Variants in DPP10 observed in about 807,000 individuals in gnomAD.
DPP10 encodes the protein dipeptidyl peptidase like 10, also known as inactive dipeptidyl peptidase 10.
DPP10 carries 33 observed loss-of-function variants against 120.9 expected under a neutral mutation model. That is an observed-to-expected ratio of 0.27 (90% CI 0.21 to 0.37). The LOEUF (loss-of-function observed/expected upper bound fraction) is 0.37. DPP10 is among the 10% of genes least tolerant of loss of function. DPP10 has a pLI of 1.00. For missense variants in DPP10, 816 were observed against 942.8 expected, an observed-to-expected ratio of 0.87 and a Z score of 1.76; for synonymous variants, 337 against 326.1, an observed-to-expected ratio of 1.03 and a Z score of -0.36.
chr2:115,509,778 C>G (rs2077130440), intron 4 of DPP10, among the ~76,000 whole-genome samples: 1 of 152,136 alleles, frequency 6.6e-6, no homozygotes, highest in Admixed American at 6.6e-5. Context: ...TCTGTATTAG[C>G]AGTTTGAGGA....
At chr2:115,749,801 GC>G (rs1410888334) in intron 10 of DPP10, among the ~76,000 whole-genome samples, 1 of 152,170 alleles carries the variant, frequency 6.6e-6, no homozygotes, top group Admixed American at 6.5e-5. Flanking sequence ...TAAACACAGA[GC>G]AATGATTGGA....
chr2:115,393,331 A>G (rs1238101168), intron 3 of DPP10, among the ~76,000 whole-genome samples: 5 of 151,800 alleles, frequency 3.3e-5, no homozygotes. Flanking sequence ...AAAAATCTAT[A>G]TGTGAATAGA....
At chr2:115,073,209 A>G (rs186400624) in intron 1 of DPP10, among the ~76,000 whole-genome samples, 1 of 152,374 alleles carries the variant, frequency 6.6e-6, no homozygotes, top group African/African-American at 2.4e-5. Context: ...ATGGAATTTA[A>G]AGACAAAAGA....
At chr2:115,415,840 TTTATATATATATATATATA>T (rs1361332407) in intron 3 of DPP10, among the ~76,000 whole-genome samples, 3 of 83,424 alleles carry the variant, frequency 3.6e-5, no homozygotes, top group African/African-American at 5.0e-5. Flanking sequence ...CTGATTTGCT[TTTATATATATATATATATA>T]TATATATATA....
rs138321439 is a variant in DPP10, at chr2:115,583,795, C to A, written c.441+57823C>A. Among the ~76,000 whole-genome samples, 15 of 152,256 alleles carry A rather than the reference C, an allele frequency of 9.9e-5. No homozygotes were observed. The East Asian group carries it at 2.9e-3, about 29-fold the overall frequency. On this transcript the variant is annotated intron_variant, in intron 5 of 25. Transcript: ENST00000410059. ...GTGGCCATCTTTAATATTCACATTT[C>A]ATGTAGTTCTACTCTATGAGGATAA... is the stretch of plus-strand genomic sequence containing the variant.
At chr2:115,047,735 A>G (rs1234070109) in intron 1 of DPP10, among the ~76,000 whole-genome samples, 2 of 152,114 alleles carry the variant, frequency 1.3e-5, no homozygotes, top group Non-Finnish European at 2.9e-5. Context: ...TTCTAAAATT[A>G]AAAAACCCCA....
intron 1 of DPP10, among the ~76,000 whole-genome samples, chr2:114,872,219 T>G (rs1193302079): frequency 6.6e-6 from 1 of 152,070 alleles, no homozygotes; most frequent in Non-Finnish European, 1.5e-5. Flanking sequence ...AAACTTACAA[T>G]CATGGTGGAA....
intron 1 of DPP10, among the ~76,000 whole-genome samples, chr2:114,712,491 C>T (rs1701089118): frequency 6.6e-6 from 1 of 152,136 alleles, no homozygotes; most frequent in Non-Finnish European, 1.5e-5. Flanking sequence ...AGGACTCCTT[C>T]CCAGGGCTAC....
chr2:115,023,796 G>A (rs1703251559), intron 1 of DPP10, among the ~76,000 whole-genome samples: 1 of 152,018 alleles, frequency 6.6e-6, no homozygotes, highest in Admixed American at 6.6e-5. Flanking sequence ...TGGTACTGTG[G>A]TATACATATA....
At chr2:114,718,687 G>A (rs1701513579) in intron 1 of DPP10, among the ~76,000 whole-genome samples, 1 of 152,252 alleles carries the variant, frequency 6.6e-6, no homozygotes, top group Non-Finnish European at 1.5e-5. Flanking sequence ...TAAAATGAAT[G>A]TTAAGGAAAA....
intron 7 of DPP10, among the ~76,000 whole-genome samples, chr2:115,692,922 G>A (rs2091394089): frequency 6.6e-6 from 1 of 152,166 alleles, no homozygotes; most frequent in Non-Finnish European, 1.5e-5. Flanking sequence ...ATACACTGTG[G>A]CTAAATAAGG....
intron 1 of DPP10, among the ~76,000 whole-genome samples, chr2:115,272,347 T>A (rs1013904896): frequency 2.6e-5 from 4 of 152,152 alleles, no homozygotes; most frequent in African/African-American, 9.7e-5. Context: ...CTTAGAAAAA[T>A]ATTATTTGTA....
intron 1 of DPP10, among the ~76,000 whole-genome samples, chr2:115,303,302 T>G (rs1222607757): frequency 2.0e-5 from 3 of 152,004 alleles, no homozygotes; most frequent in Non-Finnish European, 4.4e-5. Flanking sequence ...AGATTTTGCC[T>G]TCTTCTTTTG....
At chr2:115,238,052 T>C (rs2058086555) in intron 1 of DPP10, among the ~76,000 whole-genome samples, 1 of 152,184 alleles carries the variant, frequency 6.6e-6, no homozygotes, top group South Asian at 2.1e-4. Flanking sequence ...CAGCCTTCTA[T>C]TGGAAGAAGA....
chr2:115,533,691 A>G (rs1387373938), intron 5 of DPP10, among the ~76,000 whole-genome samples: 1 of 152,158 alleles, frequency 6.6e-6, no homozygotes, highest in East Asian at 1.9e-4. Context: ...TTCGGGGTTC[A>G]CTAATATTTC....
chr2:115,431,144 C>T (rs892159819), intron 3 of DPP10, among the ~76,000 whole-genome samples: 10 of 152,122 alleles, frequency 6.6e-5, no homozygotes, highest in Non-Finnish European at 1.3e-4. Context: ...CTCGCGAAAG[C>T]GAAGGGATCC....
intron 5 of DPP10, among the ~76,000 whole-genome samples, chr2:115,553,046 G>A (rs747956583): frequency 2.0e-5 from 3 of 152,050 alleles, no homozygotes; most frequent in South Asian, 2.1e-4. Flanking sequence ...AGTTGTCATC[G>A]CCTAGCCTGA....
chr2:114,766,870 G>A (rs761792361), intron 1 of DPP10, among the ~76,000 whole-genome samples: 2 of 151,852 alleles, frequency 1.3e-5, no homozygotes, highest in Non-Finnish European at 2.9e-5. Flanking sequence ...TAACATGAAT[G>A]AAGTTAGGCT....
chr2:115,516,836 G>C (rs1172879722), intron 4 of DPP10, among the ~76,000 whole-genome samples: 2 of 151,902 alleles, frequency 1.3e-5, no homozygotes, highest in African/African-American at 4.8e-5. Flanking sequence ...AATATAAATG[G>C]ACTTTTTATC....
Sources: gnomAD v4.1 joint callset for allele counts (sites outside exome capture counted in the v4.1 genomes callset) on GRCh38, gnomAD v4.1.1 for gene constraint, MANE v1.5 for transcripts, NCBI Gene and HGNC (gene_info 2026-07-23, HGNC 2026-07-21) for gene names.